The following AEBP2 variants were observed in gnomAD, a reference collection of about 807,000 sequenced individuals.
AEBP2 encodes zinc finger protein AEBP2.
AEBP2 carries 10 observed loss-of-function variants against 50.8 expected under a neutral mutation model. That is an observed-to-expected ratio of 0.20 (90% CI 0.12 to 0.33). The LOEUF (loss-of-function observed/expected upper bound fraction) is 0.33. Ranked by LOEUF, AEBP2 falls within the 10% of genes least tolerant of loss-of-function variation. The probability of loss-of-function intolerance (pLI) is 1.00; values close to 1 mark genes in which losing one functional copy is unlikely to be tolerated. For missense variants in AEBP2, 570 were observed against 688.0 expected, an observed-to-expected ratio of 0.83 and a Z score of 1.92; for synonymous variants, 296 against 261.3, an observed-to-expected ratio of 1.13 and a Z score of -1.28.
intron 2 of AEBP2, among the ~76,000 whole-genome samples, chr12:19,467,600 C>T (rs547511764): frequency 9.9e-5 from 15 of 152,188 alleles, no homozygotes; most frequent in African/African-American, 2.2e-4. Flanking sequence ...GGCCTAGGTC[C>T]GTACGTCTAT....
intron 1 of AEBP2, among the ~76,000 whole-genome samples, chr12:19,441,565 A>G (rs1947960213): frequency 1.3e-5 from 2 of 152,214 alleles, no homozygotes; most frequent in Admixed American, 1.3e-4. Context: ...TTAATTGATT[A>G]AAAACGAACA....
At chr12:19,469,978 A>G (rs1948545431) in intron 2 of AEBP2, among the ~76,000 whole-genome samples, 1 of 152,146 alleles carries the variant, frequency 6.6e-6, no homozygotes, top group African/African-American at 2.4e-5. Context: ...TTTTAACAGT[A>G]GGAGAGTTTC....
rs535303494 is a variant in AEBP2 at position 19,459,452 on chromosome 12, C to T, written c.672-3058C>T. Among the ~76,000 whole-genome samples, 34 of 152,196 alleles carry T rather than the reference C, an allele frequency of 2.2e-4. No individual in the cohort carries two copies. In the South Asian group the frequency reaches 6.0e-3, roughly 27 times the overall value. On this transcript the variant is annotated intron_variant, in intron 1 of 7. Transcript: ENST00000266508. ...TTCACTGTGTTAGCCAGGCTGGTCTCGATCTCCTGACCTCGTGATCCGCCC... is the reference window on the plus strand; with the variant it reads ...TTCACTGTGTTAGCCAGGCTGGTCTTGATCTCCTGACCTCGTGATCCGCCC...
intron 1 of AEBP2, among the ~76,000 whole-genome samples, chr12:19,447,249 CTG>C (rs1948087734): frequency 1.3e-5 from 2 of 152,174 alleles, no homozygotes; most frequent in African/African-American, 4.8e-5. Flanking sequence ...CACTTTCTTT[CTG>C]TGTAATTCCC....
At chr12:19,485,207 TG>T (rs1324453860) in intron 3 of AEBP2, among the ~76,000 whole-genome samples, 2 of 152,228 alleles carry the variant, frequency 1.3e-5, no homozygotes, top group East Asian at 3.8e-4. Flanking sequence ...TTGTGTTTTT[TG>T]TTTTTTCCAA....
At chr12:19,410,782 T>C (rs927964742) in intron 1 of AEBP2, among the ~76,000 whole-genome samples, 3 of 152,186 alleles carry the variant, frequency 2.0e-5, no homozygotes, top group Non-Finnish European at 4.4e-5. Context: ...CCCATGCGGA[T>C]CTCAGTATCT....
chr12:19,411,838 A>AATT (rs1176092772), intron 1 of AEBP2, among the ~76,000 whole-genome samples: 1 of 152,234 alleles, frequency 6.6e-6, no homozygotes, highest in Non-Finnish European at 1.5e-5. Flanking sequence ...TCCTCATAAT[A>AATT]ACTCTAAAAA....
At chr12:19,409,435 G>A (rs1208574765) in intron 1 of AEBP2, among the ~76,000 whole-genome samples, 5 of 151,908 alleles carry the variant, frequency 3.3e-5, no homozygotes, top group Admixed American at 2.6e-4. Context: ...TGTCCCAAAG[G>A]GTTAAAACCT....
intron 5 of AEBP2, among the ~76,000 whole-genome samples, chr12:19,500,798 CTA>C (rs1266597426): frequency 2.0e-5 from 3 of 152,100 alleles, no homozygotes; most frequent in African/African-American, 7.2e-5. Flanking sequence ...TGTTGAATGA[CTA>C]TGTTGTCAAC....
intron 3 of AEBP2, among the ~76,000 whole-genome samples, chr12:19,476,352 A>G (rs919937750): frequency 1.3e-5 from 2 of 151,538 alleles, no homozygotes; most frequent in Non-Finnish European, 2.9e-5. Flanking sequence ...TTTAGTTTTT[A>G]TTTTTTTGAG....
chr12:19,445,339 C>T (rs1177774297), intron 1 of AEBP2, among the ~76,000 whole-genome samples: 2 of 151,478 alleles, frequency 1.3e-5, no homozygotes, highest in Non-Finnish European at 1.5e-5. Context: ...TCTGGGATTA[C>T]AGGCGCATGC....
chr12:19,492,274 G>A (rs1289059721), intron 3 of AEBP2, among the ~76,000 whole-genome samples: 1 of 152,120 alleles, frequency 6.6e-6, no homozygotes, highest in Non-Finnish European at 1.5e-5. Context: ...TAGAAGACCT[G>A]CAAATTTTTT....
intron 3 of AEBP2, among the ~76,000 whole-genome samples, chr12:19,473,816 G>T (rs560668667): frequency 1.3e-5 from 2 of 152,026 alleles, no homozygotes; most frequent in African/African-American, 2.4e-5. Context: ...TCTTGTACAC[G>T]CATTGAATTT....
rs1949354776 is a variant in AEBP2, at chr12:19,518,681, G to C, written c.*564G>C. On this transcript the variant is annotated 3_prime_UTR_variant, in exon 8 of 8. Transcript: ENST00000266508. ...CATTTGTGTTCTTTTGCAGAACTCT[G>C]ATAAGAAAAGTGTTCAATTTGTATT... 6.8e-7 allele frequency: 1 copy of C among 1,476,368 alleles called. No individual in the cohort carries two copies. The highest frequency in any genetic ancestry group is 1.4e-5 in the African/African-American group (1 of 71,848). The allele number at this position is 1,476,368 out of a possible 1,614,324, so 91.5% of individuals were successfully genotyped here. A position where few individuals can be genotyped will look rare whatever the true frequency, so the allele number is the denominator to read the frequency against.
At chr12:19,454,201 A>G (rs577683708) in intron 1 of AEBP2, among the ~76,000 whole-genome samples, 6 of 152,254 alleles carry the variant, frequency 3.9e-5, no homozygotes, top group Admixed American at 3.3e-4. Flanking sequence ...CATTAGTTCT[A>G]CTGATTTAGG....
chr12:19,453,722 A>G (rs1213023268), intron 1 of AEBP2, among the ~76,000 whole-genome samples: 1 of 149,942 alleles, frequency 6.7e-6, no homozygotes, highest in Non-Finnish European at 1.5e-5. Context: ...CCGCACCCGG[A>G]CAAATGAATT....
intron 1 of AEBP2, among the ~76,000 whole-genome samples, chr12:19,425,846 CTTTCCTTATG>C (rs1400031817): frequency 6.6e-6 from 1 of 150,582 alleles, no homozygotes; most frequent in Non-Finnish European, 1.5e-5. Context: ...AGTTGGGAGA[CTTTCCTTATG>C]TTTGCATGAA....
chr12:19,427,028 T>A (rs1268949711), intron 1 of AEBP2, among the ~76,000 whole-genome samples: 6 of 152,152 alleles, frequency 3.9e-5, no homozygotes, highest in Admixed American at 3.9e-4. Flanking sequence ...ATTATCCAAT[T>A]GATTGAGGAT....
intron 2 of AEBP2, among the ~76,000 whole-genome samples, chr12:19,464,375 G>T (rs1381719580): frequency 6.6e-6 from 1 of 152,002 alleles, no homozygotes; most frequent in East Asian, 1.9e-4. Flanking sequence ...ACTTGACTTA[G>T]CAACTGTGTA....
Sources: allele counts gnomAD v4.1 joint callset (sites outside exome capture counted in the v4.1 genomes callset), GRCh38; gene constraint gnomAD v4.1.1; transcripts MANE v1.5; gene names NCBI Gene and HGNC (gene_info 2026-07-23, HGNC 2026-07-21).